Variants in UNC93B1 observed in about 807,000 individuals in gnomAD.
UNC93B1 encodes unc-93B1 regulator of TLR signaling, also known as protein unc-93 homolog B1.
In UNC93B1, 33 loss-of-function variants were observed where a neutral mutation model predicts 56.8. The observed-to-expected ratio is 0.58, with a 90% CI of 0.44 to 0.78. The LOEUF (loss-of-function observed/expected upper bound fraction) is 0.78, where lower values mean the gene tolerates loss of function less well. UNC93B1 is among the 30% of genes least tolerant of loss of function. The pLI, the probability that UNC93B1 is intolerant of heterozygous loss-of-function variation, is 0.00. For synonymous variants in UNC93B1, 334 were observed against 358.6 expected (o/e 0.93, Z 0.77); for missense variants, 673 against 819.5 (o/e 0.82, Z 2.18).
In UNC93B1 at chr11:68,003,839, C is replaced by G. The variant is rs778276258; in HGVS notation, c.97-41G>C. 15 of 1,424,800 alleles carry G rather than the reference C, an allele frequency of 1.1e-5. No individual in the cohort carries two copies. In the South Asian group the frequency reaches 2.0e-4, roughly 19 times the overall value. 88.3% of individuals were successfully genotyped at this position (1,424,800 alleles called of 1,614,324 possible). A position where few individuals can be genotyped will look rare whatever the true frequency, so the allele number is the denominator to read the frequency against. ...GCCGCTCGCACCCGCGATCGCGCCCCGAACCCGTGTCCCCCGGTGCCCGCC... is the reference window on the plus strand; with the variant it reads ...GCCGCTCGCACCCGCGATCGCGCCCGGAACCCGTGTCCCCCGGTGCCCGCC... On this transcript the variant is annotated intron_variant, in intron 1 of 10. Coordinates refer to ENST00000227471, the MANE Select transcript of UNC93B1 (RefSeq NM_030930.4). The surrounding 1 kb of genome is among the most constrained non-coding windows in gnomAD (Gnocchi z 4.4).
In UNC93B1 at chr11:67,991,270, C is replaced by T. The variant is rs1184137395; in HGVS notation, c.*276G>A. ...TCGCAAGAAGACCCTGACCGTGCTCCGGCGCTGGGGCGCGTGCTAAGGGCC... is the reference window on the plus strand; with the variant it reads ...TCGCAAGAAGACCCTGACCGTGCTCTGGCGCTGGGGCGCGTGCTAAGGGCC... On this transcript the variant is annotated 3_prime_UTR_variant, in exon 11 of 11. Transcript: ENST00000227471. The T allele has an allele frequency of 1.1e-5, 4 of 355,516 alleles. No homozygotes were observed. Among genetic ancestry groups the T allele is most frequent in the African/African-American group, 2.1e-5 (1 of 47,066 alleles). 22.0% of individuals were successfully genotyped at this position (355,516 alleles called of 1,614,324 possible).
chr11:67,998,539 A>T lies in UNC93B1; in HGVS notation c.688-87T>A, dbSNP rs1480001304. On this transcript the variant is annotated intron_variant, in intron 5 of 10. Transcript: ENST00000227471. ...ATGGTCTGGGGAGGGGTCCAGGCAC[A>T]GCCTTGGGGGAACAGGGGCCTTCCC... 3 of 1,364,308 alleles carry T rather than the reference A, an allele frequency of 2.2e-6. No individual in the cohort carries two copies. The African/African-American group carries it at 4.3e-5, about 19-fold the overall frequency. The allele number at this position is 1,364,308 out of a possible 1,614,324, so 84.5% of individuals were successfully genotyped here.
At chr11:67,999,348 G>A in intron 4 of UNC93B1, 43 bp from the exon 5 acceptor site, 1 of 1,580,696 alleles carries the variant, frequency 6.3e-7, no homozygotes, top group African/African-American at 1.3e-5. Flanking sequence ...CCCGACCTGT[G>A]CCACTCCTGT....
Position 68,003,922 on chromosome 11 carries a change from G to A in UNC93B1, c.96+26C>T. ...ACCCTGGCCCACAGGGGACGCCCGC[G>A]CCTCGCACTCCGGGTCCCCGCTCAC... On this transcript the variant is annotated intron_variant, in intron 1 of 10. Coordinates refer to ENST00000227471, the MANE Select transcript of UNC93B1 (RefSeq NM_030930.4). This position sits in a 1 kb window ranked among gnomAD's most constrained non-coding sequence, Gnocchi z 4.4. 7.3e-7 allele frequency: 1 copy of A among 1,362,282 alleles called. No individual in the cohort carries two copies. Among genetic ancestry groups the A allele is most frequent in the Non-Finnish European group, 9.5e-7 (1 of 1,053,050 alleles). 84.4% of individuals were successfully genotyped at this position (1,362,282 alleles called of 1,614,324 possible).
chr11:68,003,747 G>GCTC lies in UNC93B1; in HGVS notation c.145_147dup (p.Glu49dup). On this transcript the variant is annotated inframe_insertion, in exon 2 of 11. Transcript: ENST00000227471. This position sits in a 1 kb window ranked among gnomAD's most constrained non-coding sequence, Gnocchi z 4.4. ...AGGCGCTTGCGGCGGTAGTAGCGGC[G>GCTC]CTCCTCCTCCTCCTCGTTGTAGTTG... 1.3e-6 allele frequency: 2 copies of GCTC among 1,524,386 alleles called. No homozygotes were observed. Among genetic ancestry groups the GCTC allele is most frequent in the African/African-American group, 1.4e-5 (1 of 70,822 alleles). The allele number at this position is 1,524,386 out of a possible 1,614,324, so 94.4% of individuals were successfully genotyped here.
In UNC93B1 at chr11:67,997,775, C is replaced by T. The variant is rs376833917; in HGVS notation, c.806G>A (p.Ser269Asn). 23 of 1,609,452 alleles carry T rather than the reference C, an allele frequency of 1.4e-5. 1 individual carries two copies. The South Asian group carries it at 2.2e-4, about 15-fold the overall frequency. The change falls in exon 7 of 11, where the codon AGC becomes AAC. Residue 269 changes from serine to asparagine, a missense_variant. By Grantham distance (46) the Ser-to-Asn change is conservative. Transcript: ENST00000227471. The part of the protein sequence containing the change: ...SCGTNSHGIL[S>N]GFNKTVLRTL... ...CCGCAGAACCGTCTTGTTGAAGCCG[C>T]TGAGGATCCCGTGGCTGTTGGTGCC...
At chr11:67,997,573 C>G (rs1856969454) in intron 7 of UNC93B1, 102 bp downstream of exon 7, 1 of 1,561,378 alleles carries the variant, frequency 6.4e-7, no homozygotes, top group Non-Finnish European at 8.6e-7. Flanking sequence ...GGCCACAACC[C>G]GACCCAGGCC....
Position 67,991,111 on chromosome 11 carries a change from C to T in UNC93B1, c.*435G>A, listed in dbSNP as rs1210250282. On this transcript the variant is annotated 3_prime_UTR_variant, in exon 11 of 11. Transcript: ENST00000227471. ...CTGGGACTCCCCAGTCAGGACAGTACAAAATCTCTTTATTGCTCATTTTCT... is the reference window on the plus strand; with the variant it reads ...CTGGGACTCCCCAGTCAGGACAGTATAAAATCTCTTTATTGCTCATTTTCT... 1 of 162,364 alleles carries T rather than the reference C, an allele frequency of 6.2e-6. No homozygotes were observed. The highest frequency in any genetic ancestry group is 1.3e-5 in the Non-Finnish European group (1 of 75,328). 10.1% of individuals were successfully genotyped at this position (162,364 alleles called of 1,614,324 possible). A position where few individuals can be genotyped will look rare whatever the true frequency, so the allele number is the denominator to read the frequency against.
At chr11:68,002,994 A>G (rs778968569) in intron 3 of UNC93B1, 28 bp downstream of exon 3, 2 of 1,588,330 alleles carry the variant, frequency 1.3e-6, no homozygotes, top group Admixed American at 3.5e-5. Context: ...GGAGTACCGC[A>G]GCATCCCACA....
In UNC93B1 at chr11:67,991,474, TC is replaced by T. The variant is rs927291713; in HGVS notation, c.*71del. 55 of 1,323,560 alleles carry T rather than the reference TC, an allele frequency of 4.2e-5. No individual in the cohort carries two copies. The African/African-American group carries it at 6.0e-4, about 14-fold the overall frequency. 82.0% of individuals were successfully genotyped at this position (1,323,560 alleles called of 1,614,324 possible). A position where few individuals can be genotyped will look rare whatever the true frequency, so the allele number is the denominator to read the frequency against. The stretch of plus-strand genomic sequence containing the variant: ...AAGACAGCGCGGGACTCGGAGGGGG[TC>T]CCCCCGACCTCAGACGTGGTAAACT... On this transcript the variant is annotated 3_prime_UTR_variant, in exon 11 of 11. Transcript: ENST00000227471.
At chr11:67,993,076 G>A (rs1351673306) in intron 10 of UNC93B1, among the ~76,000 whole-genome samples, 2 of 151,992 alleles carry the variant, frequency 1.3e-5, no homozygotes, top group Admixed American at 6.6e-5. Flanking sequence ...TGCAACCTCC[G>A]CCTCCCAGTT....
chr11:67,996,207 G>A (rs1856945471), intron 8 of UNC93B1, among the ~76,000 whole-genome samples: 2 of 151,718 alleles, frequency 1.3e-5, no homozygotes, highest in African/African-American at 4.8e-5. Context: ...AGCCAGGTGG[G>A]GAGAAGGGCT....
At position 67,997,535 on chromosome 11, in the gene UNC93B1, G is replaced by C. The variant is rs1006283967; in HGVS notation, c.906+140C>G. On this transcript the variant is annotated intron_variant, in intron 7 of 10. Transcript: ENST00000227471. ...CGGCCCTAGCTCCCCAACTCAGATC[G>C]CGCTCCCAGGCCTACGGCCTGCCCC... 1.4e-5 allele frequency: 20 copies of C among 1,415,774 alleles called. No individual in the cohort carries two copies. The Admixed American group carries it at 1.7e-4, about 12-fold the overall frequency. The allele number at this position is 1,415,774 out of a possible 1,614,324, so 87.7% of individuals were successfully genotyped here.
At chr11:67,999,804 C>G (rs1335054979) in intron 3 of UNC93B1, 124 bp from the exon 4 acceptor site, 8 of 1,300,832 alleles carry the variant, frequency 6.1e-6, no homozygotes, top group Admixed American at 2.6e-5. Context: ...GAGTCGAGGG[C>G]ACTGAGATGG....
rs112284414 is a variant in UNC93B1, at chr11:67,995,768, C to G, written c.1206G>C (p.Pro402=). The change falls in exon 9 of 11, where the codon CCG becomes CCC. Residue 402 remains proline, a synonymous_variant. Transcript: ENST00000227471. ...CCCCTGCTCCGGCCACCAGGGGCACCGGGCGTGGCAGCCACAGGCCCAGCA... is the reference window on the plus strand; with the variant it reads ...CCCCTGCTCCGGCCACCAGGGGCACGGGGCGTGGCAGCCACAGGCCCAGCA... ...LGLLGLWLPR[P]VPLVAGAGVH... 18,517 of 1,547,488 alleles carry G rather than the reference C, an allele frequency of 0.012. 511 individuals carry two copies. Among genetic ancestry groups the G allele is most frequent in the African/African-American group, 0.075 (5,457 of 72,850 alleles).
In UNC93B1 at chr11:68,003,836, C is replaced by A; in HGVS notation, c.97-38G>T. The stretch of plus-strand genomic sequence containing the variant: ...CACGCCGCTCGCACCCGCGATCGCG[C>A]CCCGAACCCGTGTCCCCCGGTGCCC... On this transcript the variant is annotated intron_variant, in intron 1 of 10. Coordinates refer to ENST00000227471, the MANE Select transcript of UNC93B1 (RefSeq NM_030930.4). The surrounding 1 kb of genome is among the most constrained non-coding windows in gnomAD (Gnocchi z 4.4). The A allele has an allele frequency of 7.0e-7, 1 of 1,428,930 alleles. No homozygotes were observed. The highest frequency in any genetic ancestry group is 9.2e-7 in the Non-Finnish European group (1 of 1,091,698). The allele number at this position is 1,428,930 out of a possible 1,614,324, so 88.5% of individuals were successfully genotyped here. A position where few individuals can be genotyped will look rare whatever the true frequency, so the allele number is the denominator to read the frequency against.
intron 9 of UNC93B1, among the ~76,000 whole-genome samples, chr11:67,994,708 G>A (rs372605009): frequency 1.3e-5 from 2 of 152,328 alleles, no homozygotes; most frequent in South Asian, 2.1e-4. Context: ...AGACTGTGGT[G>A]CAGTATGAGG....
intron 9 of UNC93B1, among the ~76,000 whole-genome samples, 164 bp downstream of exon 9, chr11:67,995,447 G>A (rs1856922121): frequency 6.6e-6 from 1 of 151,856 alleles, no homozygotes; most frequent in African/African-American, 2.4e-5. Context: ...CCCCCGGAGT[G>A]TCCACAGGAA....
At position 67,998,393 on chromosome 11, in the gene UNC93B1, G is replaced by A. The variant is rs775999763; in HGVS notation, c.747C>T (p.Asp249=). 6.2e-7 allele frequency: 1 copy of A among 1,613,996 alleles called. No individual in the cohort carries two copies. The highest frequency in any genetic ancestry group is 8.5e-7 in the Non-Finnish European group (1 of 1,179,876). ...MIYFLNHYLY[D]LNHTLYNVQS... Reference sequence around the variant, plus strand: ...GCACATTGTACAGCGTGTGGTTCAGGTCATACAGGTAGTGGTTCAGGAAAT... The same window carrying A: ...GCACATTGTACAGCGTGTGGTTCAGATCATACAGGTAGTGGTTCAGGAAAT... Residue 249 remains aspartate (D), a synonymous_variant, in exon 6 of 11, where the codon GAC becomes GAT. Transcript: ENST00000227471.
Sources: allele counts gnomAD v4.1 joint callset (sites outside exome capture counted in the v4.1 genomes callset), GRCh38; gene constraint gnomAD v4.1.1; non-coding constraint Gnocchi (gnomAD v3.1); transcripts MANE v1.5; gene names NCBI Gene and HGNC (gene_info 2026-07-23, HGNC 2026-07-21).